Variants in DAPK2 observed in about 807,000 individuals in gnomAD.
DAPK2 encodes the protein death-associated protein kinase 2.
In DAPK2, 35 loss-of-function variants were observed where a neutral mutation model predicts 44.1. That is an observed-to-expected ratio of 0.79 (90% CI 0.61 to 1.05). The LOEUF (loss-of-function observed/expected upper bound fraction) is 1.05. DAPK2 is among the 50% of genes least tolerant of loss of function. The probability of loss-of-function intolerance (pLI) is 0.00; values close to 1 mark genes in which losing one functional copy is unlikely to be tolerated. For synonymous variants in DAPK2, 174 were observed against 182.6 expected, an observed-to-expected ratio of 0.95 and a Z score of 0.38; for missense variants, 453 against 483.2, an observed-to-expected ratio of 0.94 and a Z score of 0.59.
intron 3 of DAPK2, among the ~76,000 whole-genome samples, chr15:63,954,980 A>T (rs1298936535): frequency 6.6e-6 from 1 of 152,198 alleles, no homozygotes; most frequent in Non-Finnish European, 1.5e-5. Context: ...TAGAAATACT[A>T]CTGATGTTTA....
chr15:63,926,996 A>T (rs2079303352), intron 6 of DAPK2, among the ~76,000 whole-genome samples: 1 of 152,118 alleles, frequency 6.6e-6, no homozygotes. Flanking sequence ...GCACTGTACA[A>T]ATTTTGGTGT....
At chr15:63,943,461 T>C (rs1028500199) in intron 3 of DAPK2, among the ~76,000 whole-genome samples, 2 of 152,092 alleles carry the variant, frequency 1.3e-5, no homozygotes, top group African/African-American at 2.4e-5. Context: ...GACTATAACA[T>C]TAGTTTGTAT....
intron 2 of DAPK2, among the ~76,000 whole-genome samples, chr15:63,973,393 C>T (rs2078265351): frequency 6.6e-6 from 1 of 152,248 alleles, no homozygotes; most frequent in Non-Finnish European, 1.5e-5. Flanking sequence ...CCCCCATGGG[C>T]CTGGAGGGCA....
upstream of DAPK2, chr15:64,046,405 CGG>C: frequency 1.2e-5 from 4 of 332,702 alleles, no homozygotes; most frequent in South Asian, 1.3e-4. The surrounding 1 kb of genome is among the most constrained non-coding windows in gnomAD (Gnocchi z 5.3). Flanking sequence ...GGGGACGCGG[CGG>C]GGTGCGCTGG....
chr15:63,942,421 A>G (rs1278598835), intron 3 of DAPK2: 1 of 160,402 alleles, frequency 6.2e-6, no homozygotes, highest in Non-Finnish European at 1.3e-5. Flanking sequence ...GCGTGGTGGC[A>G]TGCACCTATA....
chr15:63,954,958 G>C (rs1013857957), intron 3 of DAPK2, among the ~76,000 whole-genome samples: 1 of 151,994 alleles, frequency 6.6e-6, no homozygotes, highest in Non-Finnish European at 1.5e-5. Context: ...CAGATAGTTC[G>C]CTGTTGGCAT....
At chr15:64,016,831 G>T (rs2079540378) in intron 1 of DAPK2, among the ~76,000 whole-genome samples, 1 of 100,678 alleles carries the variant, frequency 9.9e-6, no homozygotes, top group African/African-American at 3.8e-5. Flanking sequence ...GGGGAAGGAA[G>T]GAAGGAGGGA....
chr15:64,010,083 T>G (rs2079348449), intron 1 of DAPK2, among the ~76,000 whole-genome samples: 1 of 152,166 alleles, frequency 6.6e-6, no homozygotes, highest in South Asian at 2.1e-4. Context: ...TTTCTCAAAG[T>G]GTGACCCGAG....
chr15:63,999,836 G>A (rs1191993384), intron 1 of DAPK2, among the ~76,000 whole-genome samples: 1 of 151,870 alleles, frequency 6.6e-6, no homozygotes, highest in Non-Finnish European at 1.5e-5. Flanking sequence ...CACAATTACA[G>A]TTCACTGCAG....
chr15:63,996,191 T>G (rs1666017516), intron 1 of DAPK2, among the ~76,000 whole-genome samples: 1 of 152,204 alleles, frequency 6.6e-6, no homozygotes, highest in South Asian at 2.1e-4. Context: ...GCCAGCACTT[T>G]GTGAGGCTGA....
intron 3 of DAPK2, among the ~76,000 whole-genome samples, chr15:63,944,675 G>T (rs2077403701): frequency 6.6e-6 from 1 of 152,194 alleles, no homozygotes; most frequent in African/African-American, 2.4e-5. Context: ...AGCTTGTAAT[G>T]TCACAATCAG....
intron 1 of DAPK2, among the ~76,000 whole-genome samples, chr15:64,045,548 T>C (rs1398513845): frequency 2.0e-5 from 3 of 152,184 alleles, no homozygotes; most frequent in African/African-American, 7.2e-5. Context: ...TCCTCCAGTG[T>C]GCACCACTGC....
At chr15:63,929,729 G>T in intron 5 of DAPK2, 152 bp from the exon 7 acceptor site, 1 of 872,346 alleles carries the variant, frequency 1.1e-6, no homozygotes, top group Non-Finnish European at 1.9e-6. Context: ...TCTCCATCCT[G>T]CTCTTCAGCA....
intron 6 of DAPK2, among the ~76,000 whole-genome samples, chr15:63,926,830 C>T (rs976019759): frequency 5.9e-5 from 9 of 152,280 alleles, no homozygotes; most frequent in Middle Eastern, 3.4e-3. Flanking sequence ...CAAATGTACC[C>T]GAGCTAGAAG....
At chr15:63,951,381 T>C (rs1346907735) in intron 3 of DAPK2, among the ~76,000 whole-genome samples, 2 of 152,174 alleles carry the variant, frequency 1.3e-5, no homozygotes, top group Non-Finnish European at 2.9e-5. Context: ...AAGGTACATC[T>C]AGTGCTACCA....
intron 1 of DAPK2, among the ~76,000 whole-genome samples, chr15:64,027,410 A>T (rs544964074): frequency 6.6e-6 from 1 of 151,712 alleles, no homozygotes; most frequent in South Asian, 2.1e-4. Flanking sequence ...ACAAAAAAAA[A>T]ACCCCAAAAT....
At chr15:63,998,455 G>A (rs2079004413) in intron 1 of DAPK2, among the ~76,000 whole-genome samples, 1 of 152,190 alleles carries the variant, frequency 6.6e-6, no homozygotes, top group Non-Finnish European at 1.5e-5. Context: ...CAGGCTGCCT[G>A]CCACCACACT....
intron 1 of DAPK2, among the ~76,000 whole-genome samples, chr15:64,022,446 C>A (rs1443749145): frequency 6.6e-6 from 1 of 152,184 alleles, no homozygotes; most frequent in East Asian, 1.9e-4. Context: ...TCACTTCACC[C>A]AATAGACAAG....
intron 8 of DAPK2, among the ~76,000 whole-genome samples, chr15:63,914,511 C>G (rs951715919): frequency 6.6e-6 from 1 of 151,340 alleles, no homozygotes; most frequent in Admixed American, 6.6e-5. Context: ...TGGGTCTAGT[C>G]CCCCCCTGGA....
Sources: gnomAD v4.1 joint callset for allele counts (sites outside exome capture counted in the v4.1 genomes callset) on GRCh38, gnomAD v4.1.1 for gene constraint, Gnocchi (gnomAD v3.1) non-coding constraint, MANE v1.5 for transcripts, NCBI Gene and HGNC (gene_info 2026-07-23, HGNC 2026-07-21) for gene names.